GALNTL6: variants seen among roughly 807,000 people sequenced by gnomAD.
GALNTL6 encodes the protein polypeptide N-acetylgalactosaminyltransferase like 6, also known as polypeptide N-acetylgalactosaminyltransferase-like 6.
GALNTL6 carries 46 observed loss-of-function variants against 73.7 expected under a neutral mutation model. That is an observed-to-expected ratio of 0.62 (90% CI 0.49 to 0.80). GALNTL6 has a LOEUF of 0.80. Among genes scored for constraint, GALNTL6 ranks in the 30% least tolerant of loss-of-function variants. The pLI is 0.00. For missense variants in GALNTL6, 604 were observed against 755.0 expected, an observed-to-expected ratio of 0.80 and a Z score of 2.34; for synonymous variants, 259 against 263.7, an observed-to-expected ratio of 0.98 and a Z score of 0.17.
At chr4:172,734,938 G>A (rs936570770) in intron 5 of GALNTL6, among the ~76,000 whole-genome samples, 2 of 152,220 alleles carry the variant, frequency 1.3e-5, no homozygotes, top group East Asian at 3.8e-4. Context: ...CAGAAGTCAA[G>A]TATTAAGGTT....
At chr4:172,700,727 A>G (rs528897923) in intron 5 of GALNTL6, among the ~76,000 whole-genome samples, 10 of 152,294 alleles carry the variant, frequency 6.6e-5, no homozygotes, top group Admixed American at 5.2e-4. Flanking sequence ...CATATGGTCA[A>G]TCGCTCACCC....
At chr4:173,002,542 C>T (rs1752088560) in intron 10 of GALNTL6, among the ~76,000 whole-genome samples, 1 of 151,730 alleles carries the variant, frequency 6.6e-6, no homozygotes, top group African/African-American at 2.4e-5. Flanking sequence ...CACCTGTAAT[C>T]CCAGCACTTT....
At chr4:172,994,200 T>G (rs1269923050) in intron 10 of GALNTL6, among the ~76,000 whole-genome samples, 2 of 152,222 alleles carry the variant, frequency 1.3e-5, no homozygotes, top group East Asian at 3.8e-4. Context: ...GCATTTCTGA[T>G]GTCACTGGTT....
chr4:172,831,603 T>C (rs1742643736), intron 7 of GALNTL6, among the ~76,000 whole-genome samples: 1 of 152,164 alleles, frequency 6.6e-6, no homozygotes, highest in Non-Finnish European at 1.5e-5. Context: ...AATCACAGGT[T>C]TGGCAACTGA....
chr4:172,559,957 T>C (rs945221323), intron 5 of GALNTL6, among the ~76,000 whole-genome samples: 5 of 152,194 alleles, frequency 3.3e-5, no homozygotes, highest in African/African-American at 1.2e-4. Flanking sequence ...TCAAACATGA[T>C]AAAATATAAG....
intron 2 of GALNTL6, among the ~76,000 whole-genome samples, chr4:171,886,563 G>A (rs1560826663): frequency 6.6e-6 from 1 of 152,092 alleles, no homozygotes; most frequent in African/African-American, 2.4e-5. Flanking sequence ...CTGAGACTGG[G>A]CAATTTACAA....
chr4:172,303,317 A>G (rs1740007072), intron 3 of GALNTL6, among the ~76,000 whole-genome samples: 1 of 152,120 alleles, frequency 6.6e-6, no homozygotes, highest in Non-Finnish European at 1.5e-5. Flanking sequence ...AGATGTCAGT[A>G]TGGATTATTA....
intron 9 of GALNTL6, among the ~76,000 whole-genome samples, chr4:172,949,779 C>T (rs539943875): frequency 2.0e-4 from 31 of 151,714 alleles, no homozygotes; most frequent in African/African-American, 7.0e-4. Flanking sequence ...CATGGTAGCA[C>T]GTGCCTGTAG....
chr4:172,457,544 A>G (rs754278309), intron 5 of GALNTL6, among the ~76,000 whole-genome samples: 1 of 152,200 alleles, frequency 6.6e-6, no homozygotes, highest in Non-Finnish European at 1.5e-5. Context: ...GAAAGCAAAA[A>G]CAAGCAGGGA....
intron 2 of GALNTL6, among the ~76,000 whole-genome samples, chr4:172,132,075 A>C (rs1733513661): frequency 1.3e-5 from 2 of 152,222 alleles, no homozygotes; most frequent in South Asian, 2.1e-4. Flanking sequence ...ATAACTCAAA[A>C]ATCTTGGAAG....
intron 5 of GALNTL6, among the ~76,000 whole-genome samples, chr4:172,386,175 A>T (rs1450608169): frequency 6.6e-6 from 1 of 152,186 alleles, no homozygotes; most frequent in African/African-American, 2.4e-5. Context: ...ATTTACAAAA[A>T]TACATTAATA....
chr4:172,640,983 T>C (rs1159544858), intron 5 of GALNTL6, among the ~76,000 whole-genome samples: 1 of 152,026 alleles, frequency 6.6e-6, no homozygotes, highest in Non-Finnish European at 1.5e-5. Flanking sequence ...TCTCAGTAAC[T>C]CCATTTTACC....
chr4:172,710,377 C>T (rs921243223), intron 5 of GALNTL6, among the ~76,000 whole-genome samples: 5 of 151,990 alleles, frequency 3.3e-5, no homozygotes, highest in African/African-American at 1.2e-4. Flanking sequence ...TAAAAAGTTG[C>T]AATCATGAAT....
intron 8 of GALNTL6, among the ~76,000 whole-genome samples, chr4:172,885,932 T>C (rs1330339627): frequency 1.3e-5 from 2 of 152,192 alleles, no homozygotes; most frequent in Admixed American, 1.3e-4. Context: ...AATGTTCTTT[T>C]TAATGTCTTA....
At chr4:171,950,057 G>A (rs190557552) in intron 2 of GALNTL6, among the ~76,000 whole-genome samples, 7 of 152,308 alleles carry the variant, frequency 4.6e-5, no homozygotes, top group Admixed American at 2.0e-4. Flanking sequence ...TAGCCCTGGC[G>A]AGAAAATAGG....
intron 5 of GALNTL6, among the ~76,000 whole-genome samples, chr4:172,430,342 G>T (rs1035973192): frequency 2.6e-5 from 4 of 151,974 alleles, no homozygotes; most frequent in African/African-American, 9.7e-5. Flanking sequence ...ACAGTGAAAT[G>T]ACAGATGTGG....
chr4:172,284,245 A>G (rs1215026576), intron 3 of GALNTL6, among the ~76,000 whole-genome samples: 6 of 152,196 alleles, frequency 3.9e-5, no homozygotes, highest in Admixed American at 3.9e-4. Flanking sequence ...TTTTTGCAAT[A>G]GTTAAGGCAG....
intron 5 of GALNTL6, among the ~76,000 whole-genome samples, chr4:172,779,246 G>A (rs762572261): frequency 7.9e-5 from 12 of 152,180 alleles, no homozygotes; most frequent in Non-Finnish European, 1.6e-4. Flanking sequence ...TGAGGCAGAG[G>A]TGTCATGTGC....
intron 2 of GALNTL6, among the ~76,000 whole-genome samples, chr4:171,959,837 A>G (rs370954136): frequency 1.3e-5 from 2 of 152,244 alleles, no homozygotes; most frequent in East Asian, 1.9e-4. Flanking sequence ...AAGCAAATAG[A>G]AATAATCTCC....
Sources: allele counts gnomAD v4.1 joint callset (sites outside exome capture counted in the v4.1 genomes callset), GRCh38; gene constraint gnomAD v4.1.1; transcripts MANE v1.5; gene names NCBI Gene and HGNC (gene_info 2026-07-23, HGNC 2026-07-21).